The following TIMM23 variants were observed in gnomAD, a reference collection of about 807,000 sequenced individuals.
TIMM23 encodes mitochondrial import inner membrane translocase subunit Tim23.
In TIMM23, 19 loss-of-function variants were observed where a neutral mutation model predicts 30.7. The observed-to-expected ratio is 0.62, with a 90% CI of 0.43 to 0.91. The LOEUF (loss-of-function observed/expected upper bound fraction) is 0.91, where lower values mean the gene tolerates loss of function less well. Ranked by LOEUF, TIMM23 falls within the 40% of genes least tolerant of loss-of-function variation. The probability of loss-of-function intolerance (pLI) is 0.00; values close to 1 mark genes in which losing one functional copy is unlikely to be tolerated. For missense variants in TIMM23, 202 were observed against 269.2 expected (o/e 0.75, Z 1.75); for synonymous variants, 78 against 98.5 (o/e 0.79, Z 1.23).
chr10:45,975,744 G>A (rs1385858911), intron 2 of TIMM23, among the ~76,000 whole-genome samples: 1 of 152,074 alleles, frequency 6.6e-6, no homozygotes, highest in Non-Finnish European at 1.5e-5. Flanking sequence ...ATTTTTGAAA[G>A]CACCCCAATA....
intron 2 of TIMM23, among the ~76,000 whole-genome samples, chr10:45,980,776 A>G (rs1837817837): frequency 6.6e-6 from 1 of 152,042 alleles, no homozygotes; most frequent in African/African-American, 2.4e-5. Context: ...ATATATTAAC[A>G]TACTTTGATA....
intron 5 of TIMM23, among the ~76,000 whole-genome samples, chr10:45,988,254 C>G (rs1838055368): frequency 6.6e-6 from 1 of 152,210 alleles, no homozygotes; most frequent in African/African-American, 2.4e-5. Context: ...GGCCTGCCTG[C>G]CCAGATTCTC....
In TIMM23 at chr10:45,993,244, C is replaced by CTTTTTTTTT. The variant is rs782013689; in HGVS notation, c.514+4406_514+4414dup. ...TTGCCAGTGTGAGCATCTACCATCACTTTTTTTTTTTTTTTTTGGAGACTG... is the reference window on the plus strand; with the variant it reads ...TTGCCAGTGTGAGCATCTACCATCACTTTTTTTTTTTTTTTTTTTTTTTTTTGGAGACTG... On this transcript the variant is annotated intron_variant, in intron 6 of 6. Transcript: ENST00000580018. 3.7e-4 allele frequency among the ~76,000 whole-genome samples: 27 copies of CTTTTTTTTT among 72,028 alleles called. 3 individuals are homozygous for CTTTTTTTTT. Among genetic ancestry groups the CTTTTTTTTT allele is most frequent in the African/African-American group, 1.2e-3 (17 of 14,728 alleles). 47.3% of individuals were successfully genotyped at this position (72,028 alleles called of 152,430 possible).
At chr10:45,979,606 C>CTT (rs1171770886) in intron 2 of TIMM23, among the ~76,000 whole-genome samples, 11,296 of 54,436 alleles carry the variant, frequency 0.21, 2,570 homozygotes, top group East Asian at 0.3. Flanking sequence ...CATGCCTGGC[C>CTT]TTTTTTTTTT....
At chr10:45,998,697 A>G (rs1838420353) in intron 6 of TIMM23, among the ~76,000 whole-genome samples, 6 of 152,116 alleles carry the variant, frequency 3.9e-5, no homozygotes, top group Non-Finnish European at 8.8e-5. Context: ...GTCTTGTTGG[A>G]GTTGATTTTT....
chr10:45,975,575 C>T, intron 2 of TIMM23, 63 bp downstream of exon 2: 2 of 1,599,872 alleles, frequency 1.3e-6, no homozygotes, highest in Non-Finnish European at 8.6e-7. Context: ...ACGCCAAGTG[C>T]TATGCTGACT....
chr10:45,974,903 TTG>T (rs202163759), intron 1 of TIMM23, among the ~76,000 whole-genome samples: 2,596 of 151,820 alleles, frequency 0.017, 35 homozygotes, highest in Non-Finnish European at 0.026. Context: ...CTCTCAAAGT[TTG>T]TGTTTTCTTT....
chr10:45,996,422 A>G (rs2132279152), intron 6 of TIMM23, among the ~76,000 whole-genome samples: 1 of 150,112 alleles, frequency 6.7e-6, no homozygotes, highest in Non-Finnish European at 1.5e-5. Context: ...GACCTTTTGA[A>G]AAAGGTCCGC....
intron 2 of TIMM23, among the ~76,000 whole-genome samples, chr10:45,978,463 T>C (rs1366993151): frequency 2.0e-5 from 3 of 152,170 alleles, no homozygotes; most frequent in Non-Finnish European, 4.4e-5. Context: ...CTTGAAACAT[T>C]AATAAAAAAT....
intron 6 of TIMM23, among the ~76,000 whole-genome samples, chr10:46,000,549 A>G (rs1325804533): frequency 6.6e-6 from 1 of 152,218 alleles, no homozygotes; most frequent in East Asian, 1.9e-4. Context: ...TATAGATTCC[A>G]CTGTCACTAT....
intron 6 of TIMM23, among the ~76,000 whole-genome samples, chr10:45,995,218 T>C (rs1285878222): frequency 1.3e-5 from 2 of 152,042 alleles, no homozygotes; most frequent in Admixed American, 6.5e-5. Context: ...GACTATGTTA[T>C]GTTACTACTG....
At chr10:45,980,466 C>A (rs1467975096) in intron 2 of TIMM23, among the ~76,000 whole-genome samples, 1 of 151,334 alleles carries the variant, frequency 6.6e-6, no homozygotes, top group Admixed American at 6.6e-5. Flanking sequence ...ACTCTTGTAT[C>A]CTTATTGATT....
At chr10:45,979,736 T>C (rs1283703940) in intron 2 of TIMM23, among the ~76,000 whole-genome samples, 2 of 151,672 alleles carry the variant, frequency 1.3e-5, no homozygotes, top group Admixed American at 6.6e-5. Context: ...TGAAGCAAGT[T>C]GATGGTTCGG....
intron 5 of TIMM23, among the ~76,000 whole-genome samples, chr10:45,985,808 T>G (rs1837973769): frequency 6.6e-6 from 1 of 152,220 alleles, no homozygotes; most frequent in Non-Finnish European, 1.5e-5. Flanking sequence ...CATGATAAAT[T>G]AATCCAGCCC....
intron 2 of TIMM23, among the ~76,000 whole-genome samples, chr10:45,980,498 GTAATAAA>G (rs1484167021): frequency 6.6e-6 from 1 of 151,874 alleles, no homozygotes; most frequent in Non-Finnish European, 1.5e-5. Context: ...ATTGTGTCAA[GTAATAAA>G]TTTTTTTGTT....
chr10:46,003,103 G>A (rs142885525), intron 6 of TIMM23, 100 bp from the exon 7 acceptor site: 49 of 931,306 alleles, frequency 5.3e-5, no homozygotes, highest in African/African-American at 4.0e-4. Flanking sequence ...CTGAGCCACC[G>A]TGCCCAGCCC....
chr10:45,980,607 G>GTCTTTTCT (rs1590114067), intron 2 of TIMM23, among the ~76,000 whole-genome samples: 3 of 151,672 alleles, frequency 2.0e-5, no homozygotes, highest in Admixed American at 6.6e-5. Context: ...AATTAAAAAA[G>GTCTTTTCT]TTTTTTCTTT....
At chr10:45,992,352 T>C (rs1838190405) in intron 6 of TIMM23, 1 of 453,946 alleles carries the variant, frequency 2.2e-6, no homozygotes, top group Non-Finnish European at 4.4e-6. Flanking sequence ...TGATTGCTTT[T>C]CTGTGGGTGG....
intron 2 of TIMM23, among the ~76,000 whole-genome samples, chr10:45,981,909 T>C (rs1448156561): frequency 1.3e-5 from 2 of 152,220 alleles, no homozygotes; most frequent in African/African-American, 2.4e-5. Flanking sequence ...AAGAGTGTCA[T>C]TTCTCAGTCT....
Sources: allele counts gnomAD v4.1 joint callset (sites outside exome capture counted in the v4.1 genomes callset), GRCh38; gene constraint gnomAD v4.1.1; transcripts MANE v1.5; gene names NCBI Gene and HGNC (gene_info 2026-07-23, HGNC 2026-07-21).